RGS21: variants seen among roughly 807,000 people sequenced by gnomAD.
RGS21 encodes the protein regulator of G protein signaling 21, also known as regulator of G-protein signalling 21.
A neutral mutation model predicts 18.7 loss-of-function variants in RGS21; 19 were observed. The observed-to-expected ratio is 1.01, with a 90% CI of 0.71 to 1.49. The LOEUF (loss-of-function observed/expected upper bound fraction) is 1.49, where lower values mean the gene tolerates loss of function less well. Among genes scored for constraint, RGS21 ranks in the 40% most tolerant of loss-of-function variants. The probability of loss-of-function intolerance (pLI) is 0.00; values close to 1 mark genes in which losing one functional copy is unlikely to be tolerated. For missense variants in RGS21, 194 were observed against 176.8 expected, an observed-to-expected ratio of 1.10 and a Z score of -0.55; for synonymous variants, 56 against 57.8, an observed-to-expected ratio of 0.97 and a Z score of 0.14.
At chr1:192,339,225 TA>T (rs377446626) in intron 1 of RGS21, among the ~76,000 whole-genome samples, 2,166 of 145,642 alleles carry the variant, frequency 0.015, 60 homozygotes, top group African/African-American at 0.048. Flanking sequence ...CATTTTTTTT[TA>T]AAAAAAAAGA....
At chr1:192,346,051 C>T (rs1658940468) in intron 2 of RGS21, among the ~76,000 whole-genome samples, 1 of 151,780 alleles carries the variant, frequency 6.6e-6, no homozygotes, top group African/African-American at 2.4e-5. Flanking sequence ...TCTGTGTCCC[C>T]AAGATTTAGT....
rs568618994 is a variant in RGS21, at chr1:192,332,987, C to G, written c.-60-9990C>G. ...CTCAACTGTTAAAAAAAAATAACAA[C>G]TAACAATTAGAAAAAAGGTAAAATA... On this transcript the variant is annotated intron_variant, in intron 1 of 4. Transcript: ENST00000417209. 4.4e-4 allele frequency among the ~76,000 whole-genome samples: 67 copies of G among 151,308 alleles called. 1 individual carries two copies. Among genetic ancestry groups the G allele is most frequent in the African/African-American group, 1.6e-3 (64 of 41,226 alleles).
intron 1 of RGS21, among the ~76,000 whole-genome samples, chr1:192,339,241 T>C (rs1037288521): frequency 2.6e-5 from 4 of 151,996 alleles, no homozygotes; most frequent in Admixed American, 2.0e-4. Flanking sequence ...AAAAGAACAT[T>C]GTTTAGCACT....
chr1:192,339,623 A>C (rs949438324), intron 1 of RGS21, among the ~76,000 whole-genome samples: 1 of 152,052 alleles, frequency 6.6e-6, no homozygotes, highest in African/African-American at 2.4e-5. Flanking sequence ...TCTCCTCTGC[A>C]CAGACGTAAT....
chr1:192,366,334 G>A lies in RGS21; in HGVS notation c.*210G>A. ...CCAGCTATTTAATCTCCTACTGGGG[G>A]AGTACAAAGAAAGTTTATAGAGATA... On this transcript the variant is annotated 3_prime_UTR_variant, in exon 5 of 5. Coordinates refer to ENST00000417209, the MANE Select transcript of RGS21 (RefSeq NM_001039152.3). 1 of 472,054 alleles carries A rather than the reference G, an allele frequency of 2.1e-6. No homozygotes were observed. The highest frequency in any genetic ancestry group is 3.7e-6 in the Non-Finnish European group (1 of 267,230). 29.2% of individuals were successfully genotyped at this position (472,054 alleles called of 1,614,324 possible).
intron 1 of RGS21, among the ~76,000 whole-genome samples, chr1:192,335,174 T>A (rs1306097179): frequency 3.9e-5 from 6 of 152,174 alleles, no homozygotes. Flanking sequence ...TTTGAAATTT[T>A]AAATCGTGAA....
rs926286633 is a variant in RGS21, at chr1:192,340,500, C to T, written c.-60-2477C>T. 2.6e-5 allele frequency among the ~76,000 whole-genome samples: 4 copies of T among 152,060 alleles called. No homozygotes were observed. The East Asian group carries it at 7.7e-4, about 29-fold the overall frequency. On this transcript the variant is annotated intron_variant, in intron 1 of 4. Coordinates refer to ENST00000417209, the MANE Select transcript of RGS21 (RefSeq NM_001039152.3). ...AATTTATGCCTATTTTATTACTTAC[C>T]TTCCTTCTCTTAAGGAGGGTTTTAA...
chr1:192,365,883 T>C, intron 4 of RGS21, 38 bp from the exon 5 acceptor site: 1 of 1,144,262 alleles, frequency 8.7e-7, no homozygotes, highest in Non-Finnish European at 1.3e-6. Flanking sequence ...ATTCTTTGAT[T>C]AAACTAATTC....
At chr1:192,341,574 C>A (rs1658862225) in intron 1 of RGS21, among the ~76,000 whole-genome samples, 1 of 151,928 alleles carries the variant, frequency 6.6e-6, no homozygotes. Flanking sequence ...TTAGTTTTTT[C>A]TAAACAATGA....
At chr1:192,336,131 G>T (rs1285383464) in intron 1 of RGS21, among the ~76,000 whole-genome samples, 1 of 152,108 alleles carries the variant, frequency 6.6e-6, no homozygotes, top group Non-Finnish European at 1.5e-5. Flanking sequence ...CAGTCTATAA[G>T]TCAAGCCTAA....
At chr1:192,337,620 AT>A (rs1298394929) in intron 1 of RGS21, among the ~76,000 whole-genome samples, 1 of 152,134 alleles carries the variant, frequency 6.6e-6, no homozygotes, top group African/African-American at 2.4e-5. Context: ...CAACACAGAA[AT>A]GTAAAACACA....
At chr1:192,354,928 TA>T (rs1659091201) in intron 4 of RGS21, among the ~76,000 whole-genome samples, 1 of 151,754 alleles carries the variant, frequency 6.6e-6, no homozygotes, top group South Asian at 2.1e-4. Flanking sequence ...TCCCTGACTA[TA>T]AATTGACATT....
intron 1 of RGS21, among the ~76,000 whole-genome samples, 180 bp from the exon 2 acceptor site, chr1:192,342,797 T>G (rs1557977980): frequency 6.6e-6 from 1 of 152,092 alleles, no homozygotes; most frequent in Non-Finnish European, 1.5e-5. Flanking sequence ...CTCAGAGAAA[T>G]GTCACATTTA....
intron 3 of RGS21, among the ~76,000 whole-genome samples, chr1:192,349,200 G>C (rs940628202): frequency 6.6e-6 from 1 of 152,078 alleles, no homozygotes; most frequent in East Asian, 1.9e-4. Context: ...CCATACAACA[G>C]TACTATAGAG....
intron 4 of RGS21, among the ~76,000 whole-genome samples, chr1:192,361,794 A>G (rs1659191045): frequency 6.6e-6 from 1 of 152,048 alleles, no homozygotes; most frequent in Admixed American, 6.6e-5. Context: ...TGATCCACCC[A>G]CCTTAGCCTC....
At chr1:192,317,733 A>G (rs1452407002) in intron 1 of RGS21, among the ~76,000 whole-genome samples, 1 of 152,056 alleles carries the variant, frequency 6.6e-6, no homozygotes, top group Admixed American at 6.6e-5. Flanking sequence ...TTACAGTTTT[A>G]AAGATATATT....
intron 1 of RGS21, among the ~76,000 whole-genome samples, chr1:192,339,497 T>C (rs1348852793): frequency 1.2e-4 from 18 of 151,964 alleles, no homozygotes. Context: ...ACCTTTTTTT[T>C]ATGTATTGAT....
chr1:192,354,707 C>G (rs1430729251), intron 4 of RGS21, among the ~76,000 whole-genome samples: 1 of 151,670 alleles, frequency 6.6e-6, no homozygotes, highest in Non-Finnish European at 1.5e-5. Context: ...ATATAACAGA[C>G]TCTTATAAAG....
At chr1:192,364,898 C>T (rs1039294240) in intron 4 of RGS21, among the ~76,000 whole-genome samples, 1 of 151,882 alleles carries the variant, frequency 6.6e-6, no homozygotes, top group Non-Finnish European at 1.5e-5. Context: ...TGTGGGAGGC[C>T]GAGGCAGGCA....
Sources: gnomAD v4.1 joint callset for allele counts (sites outside exome capture counted in the v4.1 genomes callset) on GRCh38, gnomAD v4.1.1 for gene constraint, MANE v1.5 for transcripts, NCBI Gene and HGNC (gene_info 2026-07-23, HGNC 2026-07-21) for gene names.